The following ZNF609 variants were observed in gnomAD, a reference collection of about 807,000 sequenced individuals.
ZNF609 encodes zinc finger protein 609.
Under a neutral mutation model 109.5 loss-of-function variants are expected in ZNF609, and 11 were observed. That is an observed-to-expected ratio of 0.10 (90% CI 0.06 to 0.17). The LOEUF is 0.17. ZNF609 is among the 10% of genes least tolerant of loss of function. The pLI is 1.00. For missense variants in ZNF609, 1,559 were observed against 1,772.4 expected (o/e 0.88, Z 2.16); for synonymous variants, 646 against 662.0 (o/e 0.98, Z 0.37).
intron 2 of ZNF609, among the ~76,000 whole-genome samples, chr15:64,608,362 C>T (rs1895647275): frequency 6.6e-6 from 1 of 151,982 alleles, no homozygotes; most frequent in South Asian, 2.1e-4. Flanking sequence ...CCTAGGTTTC[C>T]CCAATGATAA....
intron 1 of ZNF609, among the ~76,000 whole-genome samples, chr15:64,482,321 A>G (rs1893266077): frequency 1.3e-5 from 2 of 152,284 alleles, no homozygotes; most frequent in South Asian, 4.1e-4. Context: ...AAAAATATCT[A>G]GAAGTCCCAG....
At chr15:64,539,471 TGC>T (rs1358039176) in intron 2 of ZNF609, among the ~76,000 whole-genome samples, 2 of 151,696 alleles carry the variant, frequency 1.3e-5, no homozygotes, top group African/African-American at 4.8e-5. Context: ...CCTCCCCAAG[TGC>T]TGGGATTACA....
At chr15:64,538,046 C>G (rs1016073346) in intron 2 of ZNF609, among the ~76,000 whole-genome samples, 1 of 151,434 alleles carries the variant, frequency 6.6e-6, no homozygotes, top group African/African-American at 2.4e-5. Context: ...GCGGAAGTTG[C>G]GGTGAGCCGA....
intron 1 of ZNF609, chr15:64,470,369 G>A (rs1346790964): frequency 6.6e-6 from 1 of 151,838 alleles, no homozygotes; most frequent in Non-Finnish European, 1.5e-5. Context: ...TTTTAATGCT[G>A]AAAATGCACG....
chr15:64,629,190 G>C (rs1340313509), intron 3 of ZNF609, among the ~76,000 whole-genome samples: 1 of 152,114 alleles, frequency 6.6e-6, no homozygotes, highest in Admixed American at 6.5e-5. Context: ...TTGAGATTCA[G>C]GATGCTGAAA....
At chr15:64,506,966 G>A (rs1381477528) in intron 2 of ZNF609, among the ~76,000 whole-genome samples, 1 of 152,152 alleles carries the variant, frequency 6.6e-6, no homozygotes, top group Non-Finnish European at 1.5e-5. Flanking sequence ...GTCTGAAGAA[G>A]TTCCAAATCT....
At chr15:64,475,095 T>C (rs1036062254) in intron 1 of ZNF609, among the ~76,000 whole-genome samples, 1 of 119,202 alleles carries the variant, frequency 8.4e-6, no homozygotes, top group African/African-American at 3.2e-5. Context: ...ACCCAGTTTA[T>C]CCTTTTTTTT....
intron 1 of ZNF609, among the ~76,000 whole-genome samples, chr15:64,475,171 GT>G (rs889264158): frequency 5.5e-5 from 7 of 128,098 alleles, no homozygotes; most frequent in African/African-American, 8.8e-5. Flanking sequence ...ATTTCTTAGG[GT>G]TTTTTTTTCT....
intron 2 of ZNF609, among the ~76,000 whole-genome samples, chr15:64,571,593 T>C (rs1894860464): frequency 6.6e-6 from 1 of 152,200 alleles, no homozygotes; most frequent in Non-Finnish European, 1.5e-5. Context: ...ATTTTACATA[T>C]GGGTAAACTG....
At chr15:64,463,965 C>A (rs569347535) in intron 1 of ZNF609, among the ~76,000 whole-genome samples, 1 of 152,168 alleles carries the variant, frequency 6.6e-6, no homozygotes, top group East Asian at 1.9e-4. Flanking sequence ...AGAGTTGGGC[C>A]CTTGCCACAA....
intron 1 of ZNF609, among the ~76,000 whole-genome samples, chr15:64,479,685 G>A (rs1247169566): frequency 6.6e-6 from 1 of 152,038 alleles, no homozygotes; most frequent in Admixed American, 6.6e-5. Flanking sequence ...TTGGGAAGCC[G>A]AGGTGGGCGG....
intron 5 of ZNF609, among the ~76,000 whole-genome samples, chr15:64,677,208 T>G (rs1896821135): frequency 6.6e-6 from 1 of 152,068 alleles, no homozygotes; most frequent in Non-Finnish European, 1.5e-5. Context: ...GGACTACAGA[T>G]GCATGCCACC....
intron 2 of ZNF609, among the ~76,000 whole-genome samples, chr15:64,609,393 G>T (rs1012499939): frequency 1.3e-5 from 2 of 151,682 alleles, no homozygotes; most frequent in South Asian, 4.2e-4. Flanking sequence ...TTGTTAGCCA[G>T]GATGGTCTTG....
chr15:64,561,536 CTTTTCTTTTCT>C (rs1274807395), intron 2 of ZNF609, among the ~76,000 whole-genome samples: 1 of 144,046 alleles, frequency 6.9e-6, no homozygotes. Flanking sequence ...ATTTTTCTTT[CTTTTCTTTTCT>C]TTTTCTTTTT....
At position 64,680,808 on chromosome 15, in the gene ZNF609, C is replaced by T; in HGVS notation, c.4108C>T (p.His1370Tyr). 1.9e-6 allele frequency: 3 copies of T among 1,613,450 alleles called. No individual in the cohort carries two copies. The highest frequency in any genetic ancestry group is 1.1e-5 in the South Asian group (1 of 91,066). Residue 1370 changes from histidine to tyrosine, a missense_variant, in exon 8 of 10, where the codon CAC (histidine) becomes TAC (tyrosine). By Grantham distance (83) the His-to-Tyr change is moderately conservative (BLOSUM62 2). Around this residue, in one of 4 missense-constraint regions of ZNF609, gnomAD observed 1,204 missense variants for 1,314.1 expected, o/e 0.92. Transcript: ENST00000326648. The part of the protein sequence containing the change: ...QRLMSTHHHH[H>Y]HLGYSLLPAQ... ...CCTGATGTCCACACACCACCACCACCACCACTTGGGGTACTCATTGCTCCC... is the reference window on the plus strand; with the variant it reads ...CCTGATGTCCACACACCACCACCACTACCACTTGGGGTACTCATTGCTCCC...
intron 2 of ZNF609, among the ~76,000 whole-genome samples, chr15:64,599,709 C>T (rs1001275726): frequency 6.6e-6 from 1 of 152,144 alleles, no homozygotes; most frequent in Non-Finnish European, 1.5e-5. Flanking sequence ...CATACCCTTT[C>T]TTTCATTCCT....
intron 2 of ZNF609, among the ~76,000 whole-genome samples, chr15:64,574,797 C>T (rs1412004506): frequency 6.6e-6 from 1 of 152,170 alleles, no homozygotes; most frequent in African/African-American, 2.4e-5. Flanking sequence ...AATGTGTCTG[C>T]AGCCTCTGTG....
intron 2 of ZNF609, among the ~76,000 whole-genome samples, chr15:64,592,169 A>G (rs76727060): frequency 7.0e-6 from 1 of 142,448 alleles, no homozygotes; most frequent in East Asian, 2.0e-4. Flanking sequence ...TGCCTCAAAG[A>G]AAAAAAAAAA....
At chr15:64,560,686 AGAT>A (rs2140402976) in intron 2 of ZNF609, among the ~76,000 whole-genome samples, 1 of 152,306 alleles carries the variant, frequency 6.6e-6, no homozygotes, top group Admixed American at 6.5e-5. Context: ...AGGAGTAAAT[AGAT>A]GATAATTATG....
Sources: allele counts gnomAD v4.1 joint callset (sites outside exome capture counted in the v4.1 genomes callset), GRCh38; gene constraint gnomAD v4.1.1; regional missense constraint gnomAD v4.1.1; transcripts MANE v1.5; gene names NCBI Gene and HGNC (gene_info 2026-07-23, HGNC 2026-07-21).